TXNL4A: variants seen among roughly 807,000 people sequenced by gnomAD.
The protein encoded by TXNL4A is thioredoxin-like protein 4A.
Under a neutral mutation model 14.6 loss-of-function variants are expected in TXNL4A, and 17 were observed. The ratio of observed to expected loss-of-function variants is 1.16; its 90% confidence interval spans 0.80 to 1.74. The LOEUF (loss-of-function observed/expected upper bound fraction) is 1.74, where lower values mean the gene tolerates loss of function less well. TXNL4A is among the 40% of genes most tolerant of loss of function. TXNL4A has a pLI of 0.00. For synonymous variants in TXNL4A, 83 were observed against 70.6 expected (o/e 1.18, Z -0.88); for missense variants, 74 against 195.2 (o/e 0.38, Z 3.70).
intron 2 of TXNL4A, chr18:79,977,333 C>A (rs1222433619): frequency 2.0e-6 from 1 of 507,062 alleles, no homozygotes; most frequent in Non-Finnish European, 3.4e-6. Context: ...GTAACAACAT[C>A]TTTCATTGAA....
chr18:80,017,574 T>C (rs1383836786), intron 1 of TXNL4A, among the ~76,000 whole-genome samples: 3 of 151,370 alleles, frequency 2.0e-5, no homozygotes, highest in Middle Eastern at 3.4e-3. Flanking sequence ...TAGCATGAAG[T>C]GTTGTTGAAT....
chr18:79,979,418 G>A (rs1456633068), intron 1 of TXNL4A: 2 of 152,212 alleles, frequency 1.3e-5, no homozygotes, highest in Non-Finnish European at 2.9e-5. Context: ...CCTGGTGGGA[G>A]GCGACTGGAT....
At chr18:79,997,913 C>T (rs907776864) in intron 1 of TXNL4A, among the ~76,000 whole-genome samples, 55 of 152,148 alleles carry the variant, frequency 3.6e-4, no homozygotes, top group African/African-American at 1.3e-3. Flanking sequence ...TTAACCCTGA[C>T]AGAGTGAGAG....
chr18:80,022,104 G>A (rs2051853583), intron 1 of TXNL4A, among the ~76,000 whole-genome samples: 1 of 152,044 alleles, frequency 6.6e-6, no homozygotes, highest in South Asian at 2.1e-4. Flanking sequence ...AGGGTTATTA[G>A]AGAACCTGCC....
chr18:79,976,178 G>A (rs529024500), intron 2 of TXNL4A, among the ~76,000 whole-genome samples: 2 of 152,312 alleles, frequency 1.3e-5, no homozygotes, highest in South Asian at 4.1e-4. Context: ...GAAGCCAGGA[G>A]TTCAAGCTTG....
chr18:79,997,643 A>C (rs1354045525), intron 1 of TXNL4A, among the ~76,000 whole-genome samples: 1 of 152,166 alleles, frequency 6.6e-6, no homozygotes, highest in East Asian at 1.9e-4. Flanking sequence ...TAATGCCTCA[A>C]GGGTATACAC....
In TXNL4A at chr18:79,982,219, G is replaced by A. The variant is rs561276226; in HGVS notation, c.154-4518C>T. On this transcript the variant is annotated intron_variant, in intron 1 of 2. Coordinates refer to ENST00000269601, the MANE Select transcript of TXNL4A (RefSeq NM_006701.5). This position sits in a 1 kb window ranked among gnomAD's most constrained non-coding sequence, Gnocchi z 4.0. ...GATCCAGCACCAGGGCAAGGAAGCA[G>A]AAGTGCAGGACAGTGGGGACCGATG... 4.6e-5 allele frequency among the ~76,000 whole-genome samples: 7 copies of A among 152,310 alleles called. No homozygotes were observed. In the South Asian group the frequency reaches 6.2e-4, roughly 14 times the overall value.
At chr18:79,986,097 T>C (rs894774580) in intron 1 of TXNL4A, among the ~76,000 whole-genome samples, 1 of 151,868 alleles carries the variant, frequency 6.6e-6, no homozygotes, top group Non-Finnish European at 1.5e-5. Flanking sequence ...TGGAGTTCAG[T>C]GGTGTAATCA....
At chr18:79,988,197 T>G (rs775707390) in intron 1 of TXNL4A, 43 bp downstream of exon 1, 5 of 1,461,952 alleles carry the variant, frequency 3.4e-6, no homozygotes, top group Non-Finnish European at 4.6e-6. Context: ...GCGGGGCAGA[T>G]GCGGAAGCAC....
intron 1 of TXNL4A, among the ~76,000 whole-genome samples, chr18:79,980,646 T>G (rs1450238016): frequency 6.6e-6 from 1 of 152,138 alleles, no homozygotes; most frequent in Non-Finnish European, 1.5e-5. Context: ...TCACAAAGAC[T>G]CCACTGCCCT....
rs1203585014 is a variant in TXNL4A, at chr18:79,982,146, G to A, written c.154-4445C>T. On this transcript the variant is annotated intron_variant, in intron 1 of 2. Transcript: ENST00000269601. The surrounding 1 kb of genome is among the most constrained non-coding windows in gnomAD (Gnocchi z 4.0). ...TGGCAGGGAAATATCTGTCCTTAGA[G>A]AATTCCATGTGTAAAGAGAAAGACA... Among the ~76,000 whole-genome samples, 1 of 152,166 alleles carries A rather than the reference G, an allele frequency of 6.6e-6. No homozygotes were observed. The highest frequency in any genetic ancestry group is 1.5e-5 in the Non-Finnish European group (1 of 68,030).
intron 1 of TXNL4A, among the ~76,000 whole-genome samples, chr18:80,017,238 C>T (rs2051817599): frequency 6.6e-6 from 1 of 152,162 alleles, no homozygotes; most frequent in African/African-American, 2.4e-5. Flanking sequence ...GCCAAAGTTG[C>T]TTATCAGCTT....
intron 1 of TXNL4A, among the ~76,000 whole-genome samples, chr18:80,016,238 G>A (rs544612760): frequency 1.3e-3 from 192 of 152,278 alleles, no homozygotes; most frequent in African/African-American, 4.4e-3. Flanking sequence ...ATTTGTTTGA[G>A]TTCATTGTAG....
rs114400935 is a variant in TXNL4A, at chr18:80,033,403, C to A, written c.-61+448G>T. ...GTCGCGCTCACTTCTCTTTCCACGCCCGGGGGGAGCAGCTTCCCCGCTGGG... is the reference window on the plus strand; with the variant it reads ...GTCGCGCTCACTTCTCTTTCCACGCACGGGGGGAGCAGCTTCCCCGCTGGG... On this transcript the variant is annotated intron_variant, in intron 1 of 2. Coordinates refer to the TXNL4A transcript ENST00000585474. 4.1e-3 allele frequency among the ~76,000 whole-genome samples: 621 copies of A among 152,330 alleles called. 4 individuals are homozygous for A. Among genetic ancestry groups the A allele is most frequent in the African/African-American group, 0.014 (587 of 41,576 alleles).
intron 1 of TXNL4A, among the ~76,000 whole-genome samples, chr18:79,996,103 C>CAAAAAAAAAAAAA (rs60443481): frequency 1.6e-5 from 1 of 61,316 alleles, no homozygotes; most frequent in East Asian, 6.2e-4. Context: ...GACTCTGACT[C>CAAAAAAAAAAAAA]AAAAAAAAAA....
In TXNL4A at chr18:79,977,626, C is replaced by T; in HGVS notation, c.229G>A (p.Asp77Asn). 1 of 1,610,328 alleles carries T rather than the reference C, an allele frequency of 6.2e-7. No individual in the cohort carries two copies. The highest frequency in any genetic ancestry group is 8.5e-7 in the Non-Finnish European group (1 of 1,178,846). Residue 77 changes from aspartate (D) to asparagine (N), a missense_variant, in exon 2 of 3, where the codon GAT (aspartate) becomes AAT (asparagine). Transcript: ENST00000269601. ...AAGAAAAACATGACAGTACATGGAT[C>T]GTATAACTCATACATTTTGTTGAAG... ...PDFNKMYELY[D>N]PCTVMFFFRN...
Position 79,988,352 on chromosome 18 carries a change from A to G in TXNL4A, c.41T>C (p.Val14Ala). The G allele has an allele frequency of 6.4e-7, 1 of 1,561,748 alleles. No homozygotes were observed. Among genetic ancestry groups the G allele is most frequent in the Non-Finnish European group, 8.7e-7 (1 of 1,152,110 alleles). ...MLPHLHNGWQ[V>A]DQAILSEEDR... is the part of the protein sequence containing the mutation. ...CTCCTCCGAGAGGATGGCCTGGTCC[A>G]CCTGCCAGCCGTTGTGCAGGTGCGG... Residue 14 changes from valine to alanine, a missense_variant, in exon 1 of 3, where the codon GTG (valine) becomes GCG (alanine). Transcript: ENST00000269601.
At chr18:79,981,601 T>G (rs536033091) in intron 1 of TXNL4A, among the ~76,000 whole-genome samples, 15 of 152,312 alleles carry the variant, frequency 9.8e-5, no homozygotes, top group African/African-American at 3.4e-4. Context: ...GAACCCAGGA[T>G]GTGGAGATTG....
At chr18:80,021,407 G>A (rs2051848014) in intron 1 of TXNL4A, among the ~76,000 whole-genome samples, 1 of 152,078 alleles carries the variant, frequency 6.6e-6, no homozygotes, top group African/African-American at 2.4e-5. Context: ...TTGATCTCCT[G>A]ACCTCGTGAT....
Sources: gnomAD v4.1 joint callset for allele counts (sites outside exome capture counted in the v4.1 genomes callset) on GRCh38, gnomAD v4.1.1 for gene constraint, Gnocchi (gnomAD v3.1) non-coding constraint, MANE v1.5 for transcripts, NCBI Gene and HGNC (gene_info 2026-07-23, HGNC 2026-07-21) for gene names.